Variants in ASPH observed in about 807,000 individuals in gnomAD.
ASPH encodes aspartate beta-hydroxylase.
A neutral mutation model predicts 118.4 loss-of-function variants in ASPH; 100 were observed. The observed-to-expected ratio is 0.84, with a 90% CI of 0.72 to 1.00. The LOEUF is 1.00. Among genes scored for constraint, ASPH ranks in the 50% least tolerant of loss-of-function variants. The probability of loss-of-function intolerance (pLI) is 0.00; values close to 1 mark genes in which losing one functional copy is unlikely to be tolerated. For missense variants in ASPH, 920 were observed against 919.5 expected (o/e 1.00, Z -0.01); for synonymous variants, 315 against 325.6 (o/e 0.97, Z 0.35).
chr8:61,622,513 G>A (rs969510608), intron 13 of ASPH, among the ~76,000 whole-genome samples: 2 of 152,124 alleles, frequency 1.3e-5, no homozygotes, highest in Non-Finnish European at 1.5e-5. Flanking sequence ...TTCTTTCCCT[G>A]CACCAGGACA....
At chr8:61,704,169 T>C (rs1186998500) in intron 1 of ASPH, among the ~76,000 whole-genome samples, 3 of 111,506 alleles carry the variant, frequency 2.7e-5, no homozygotes, top group African/African-American at 7.1e-5. Context: ...CACTCCAGCC[T>C]GGGCGACAGA....
At position 61,502,444 on chromosome 8, in the gene ASPH, T is replaced by C. The variant is rs896112804; in HGVS notation, c.*915A>G. On this transcript the variant is annotated 3_prime_UTR_variant, in exon 25 of 25. Coordinates refer to ENST00000379454, the MANE Select transcript of ASPH (RefSeq NM_004318.4). ...CACTGTGTTCCCAGCCCTTGCCTCA[T>C]GGATGGCAAAGCCGCCAGGAGCCAG... 1 of 152,194 alleles carries C rather than the reference T, an allele frequency of 6.6e-6. No homozygotes were observed. Among genetic ancestry groups the C allele is most frequent in the Non-Finnish European group, 1.5e-5 (1 of 68,054 alleles). The allele number at this position is 152,194 out of a possible 1,614,324, so 9.4% of individuals were successfully genotyped here. A position where few individuals can be genotyped will look rare whatever the true frequency, so the allele number is the denominator to read the frequency against.
chr8:61,565,156 T>C (rs1831258782), intron 17 of ASPH, among the ~76,000 whole-genome samples: 1 of 152,226 alleles, frequency 6.6e-6, no homozygotes, highest in Admixed American at 6.5e-5. Context: ...CAAATGATAG[T>C]CTTTAGATTG....
At chr8:61,577,421 A>AAAAAC (rs1197809235) in intron 15 of ASPH, among the ~76,000 whole-genome samples, 3 of 148,260 alleles carry the variant, frequency 2.0e-5, no homozygotes, top group Non-Finnish European at 3.0e-5. Flanking sequence ...AAAAAAAAAA[A>AAAAAC]AAGACAAGAC....
At chr8:61,536,106 C>G (rs1198144760) in intron 21 of ASPH, among the ~76,000 whole-genome samples, 1 of 145,158 alleles carries the variant, frequency 6.9e-6, no homozygotes, top group African/African-American at 2.5e-5. Flanking sequence ...GTGGCATGCT[C>G]TTGGCTTGCT....
chr8:61,512,410 G>A (rs546210814), intron 24 of ASPH, among the ~76,000 whole-genome samples: 1 of 152,330 alleles, frequency 6.6e-6, no homozygotes, highest in African/African-American at 2.4e-5. Context: ...CACAGAGGCA[G>A]GGACTGAAGT....
At chr8:61,686,972 A>G (rs997454297) in intron 1 of ASPH, among the ~76,000 whole-genome samples, 1 of 152,148 alleles carries the variant, frequency 6.6e-6, no homozygotes, top group African/African-American at 2.4e-5. Flanking sequence ...AAGTTTTTAT[A>G]ATGAGTATGT....
At chr8:61,598,507 C>A (rs1843050192) in intron 14 of ASPH, among the ~76,000 whole-genome samples, 1 of 152,144 alleles carries the variant, frequency 6.6e-6, no homozygotes, top group African/African-American at 2.4e-5. Flanking sequence ...ATTATTATCT[C>A]TAAAGGAAGA....
intron 13 of ASPH, among the ~76,000 whole-genome samples, chr8:61,626,749 A>G (rs1853027348): frequency 6.6e-6 from 1 of 151,740 alleles, no homozygotes; most frequent in African/African-American, 2.4e-5. Flanking sequence ...ATTAAAATAT[A>G]TTGCTTTGAA....
intron 3 of ASPH, chr8:61,668,227 A>T: frequency 6.2e-7 from 1 of 1,604,424 alleles, no homozygotes; most frequent in Non-Finnish European, 8.5e-7. Context: ...TGAAAAAATG[A>T]AAATACCTTT....
Position 61,548,220 on chromosome 8 carries a change from G to T in ASPH, c.1627-12C>A, listed in dbSNP as rs1315686107. On this transcript the variant is annotated splice_polypyrimidine_tract_variant and intron_variant, in intron 20 of 24. Coordinates refer to ENST00000379454, the MANE Select transcript of ASPH (RefSeq NM_004318.4). The stretch of plus-strand genomic sequence containing the variant: ...TACCACTTATATGCCTGAAGGAACA[G>T]AAAGAATGTGCTCCAAACTGTTCCT... 1 of 1,610,362 alleles carries T rather than the reference G, an allele frequency of 6.2e-7. No individual in the cohort carries two copies. The highest frequency in any genetic ancestry group is 1.7e-5 in the Admixed American group (1 of 59,492).
In ASPH at chr8:61,513,779, C is replaced by G. The variant is rs563703400; in HGVS notation, c.2126+3749G>C. On this transcript the variant is annotated intron_variant, in intron 24 of 24. Transcript: ENST00000379454. ...CCAAGTTAATATTCTCATTCAAGAC[C>G]CCCCTCTGAGTAGGCTGGAGTGGTC... 2.6e-5 allele frequency among the ~76,000 whole-genome samples: 4 copies of G among 152,244 alleles called. No individual in the cohort carries two copies. In the South Asian group the frequency reaches 8.3e-4, roughly 32 times the overall value.
At chr8:61,518,719 T>C (rs1008365585) in intron 22 of ASPH, among the ~76,000 whole-genome samples, 3 of 152,232 alleles carry the variant, frequency 2.0e-5, no homozygotes, top group Non-Finnish European at 2.9e-5. Context: ...ACAAGATGAA[T>C]TGAATGTCTG....
intron 3 of ASPH, among the ~76,000 whole-genome samples, chr8:61,655,165 A>G (rs1422041069): frequency 6.6e-6 from 1 of 152,174 alleles, no homozygotes; most frequent in Non-Finnish European, 1.5e-5. Context: ...ACACTTGTTG[A>G]AGGGCTGAAT....
chr8:61,592,629 C>A (rs1235944968), intron 14 of ASPH, among the ~76,000 whole-genome samples: 4 of 152,090 alleles, frequency 2.6e-5, no homozygotes, highest in African/African-American at 9.7e-5. Context: ...AAAAGTAAGA[C>A]CAAAATAAGA....
At chr8:61,515,525 T>C (rs746941854) in intron 24 of ASPH, among the ~76,000 whole-genome samples, 4 of 152,178 alleles carry the variant, frequency 2.6e-5, no homozygotes, top group Non-Finnish European at 5.9e-5. Context: ...CATCCTTCGA[T>C]TGTCTCAAGC....
intron 23 of ASPH, among the ~76,000 whole-genome samples, 179 bp from the exon 24 acceptor site, chr8:61,517,840 C>T (rs1257081667): frequency 6.6e-6 from 1 of 152,112 alleles, no homozygotes; most frequent in Non-Finnish European, 1.5e-5. Context: ...ACATTTTCCA[C>T]AAAGCTATAA....
At chr8:61,534,801 C>G (rs183856815) in intron 21 of ASPH, among the ~76,000 whole-genome samples, 1 of 152,342 alleles carries the variant, frequency 6.6e-6, no homozygotes, top group Non-Finnish European at 1.5e-5. Context: ...ACGGGATTTA[C>G]GAAGGAAAGT....
intron 12 of ASPH, 26 bp from the exon 13 acceptor site, chr8:61,633,753 C>T: frequency 6.5e-7 from 1 of 1,533,778 alleles, no homozygotes; most frequent in South Asian, 1.2e-5. Flanking sequence ...AAGTTATAAT[C>T]TGTTACATAT....
Sources: allele counts gnomAD v4.1 joint callset (sites outside exome capture counted in the v4.1 genomes callset), GRCh38; gene constraint gnomAD v4.1.1; transcripts MANE v1.5; gene names NCBI Gene and HGNC (gene_info 2026-07-23, HGNC 2026-07-21).